The following TIMP3 variants were observed in gnomAD, a reference collection of about 807,000 sequenced individuals.
TIMP3 encodes the protein metalloproteinase inhibitor 3.
A neutral mutation model predicts 30.0 loss-of-function variants in TIMP3; 11 were observed. The observed-to-expected ratio is 0.37, with a 90% CI of 0.23 to 0.61. The LOEUF (loss-of-function observed/expected upper bound fraction) is 0.61, where lower values mean the gene tolerates loss of function less well. Among genes scored for constraint, TIMP3 ranks in the 20% least tolerant of loss-of-function variants. TIMP3 has a pLI of 0.70. For missense variants in TIMP3, 181 were observed against 276.8 expected, an observed-to-expected ratio of 0.65 and a Z score of 2.45; for synonymous variants, 112 against 111.3, an observed-to-expected ratio of 1.01 and a Z score of -0.04.
chr22:32,860,399 A>C lies in TIMP3; in HGVS notation c.*1022A>C, dbSNP rs1238697705. 6.5e-6 allele frequency: 1 copy of C among 152,680 alleles called. No individual in the cohort carries two copies. The highest frequency in any genetic ancestry group is 1.5e-5 in the Non-Finnish European group (1 of 68,054). The allele number at this position is 152,680 out of a possible 1,614,324, so 9.5% of individuals were successfully genotyped here. A position where few individuals can be genotyped will look rare whatever the true frequency, so the allele number is the denominator to read the frequency against. On this transcript the variant is annotated 3_prime_UTR_variant, in exon 5 of 5. Coordinates refer to ENST00000266085, the MANE Select transcript of TIMP3 (RefSeq NM_000362.5). Reference sequence around the variant, plus strand: ...TTTGTATACACATTTGCATATACCCACATGGGGACATAAGCTAATTTTTTT... The same window carrying C: ...TTTGTATACACATTTGCATATACCCCCATGGGGACATAAGCTAATTTTTTT...
intron 1 of TIMP3, among the ~76,000 whole-genome samples, chr22:32,828,732 G>A (rs551777613): frequency 5.9e-5 from 9 of 152,298 alleles, no homozygotes; most frequent in Admixed American, 4.6e-4. Flanking sequence ...CTTCTTGGCC[G>A]GTTCTGGGAG....
intron 1 of TIMP3, among the ~76,000 whole-genome samples, chr22:32,804,939 C>T (rs974524132): frequency 4.6e-5 from 7 of 152,108 alleles, no homozygotes; most frequent in African/African-American, 1.7e-4. Context: ...AAGGCGGCCT[C>T]GGCCCGGGCA....
intron 1 of TIMP3, among the ~76,000 whole-genome samples, chr22:32,843,624 G>C (rs1186912869): frequency 1.3e-5 from 2 of 152,070 alleles, no homozygotes; most frequent in African/African-American, 4.8e-5. Context: ...CTCCTTTTTG[G>C]TGTGTTTTCA....
At chr22:32,852,698 C>G (rs1319036733) in intron 2 of TIMP3, among the ~76,000 whole-genome samples, 2 of 152,096 alleles carry the variant, frequency 1.3e-5, no homozygotes, top group African/African-American at 4.8e-5. Flanking sequence ...GCCTCTGACC[C>G]ATCTCTCAGG....
chr22:32,847,198 A>C (rs2048090200), intron 1 of TIMP3, among the ~76,000 whole-genome samples: 1 of 152,230 alleles, frequency 6.6e-6, no homozygotes, highest in Non-Finnish European at 1.5e-5. Context: ...ATGCCTCTGC[A>C]CGGAGGTGAA....
At chr22:32,824,257 G>T (rs1194410633) in intron 1 of TIMP3, among the ~76,000 whole-genome samples, 3 of 130,358 alleles carry the variant, frequency 2.3e-5, no homozygotes, top group African/African-American at 8.9e-5. Flanking sequence ...CAGCCTGGGC[G>T]ACAGAGCAAG....
intron 1 of TIMP3, among the ~76,000 whole-genome samples, chr22:32,832,913 C>T (rs1464637112): frequency 4.6e-5 from 7 of 151,718 alleles, no homozygotes; most frequent in African/African-American, 1.7e-4. Flanking sequence ...TCGTGGTTTT[C>T]GTAGAGACAG....
At chr22:32,809,766 G>T (rs1427360283) in intron 1 of TIMP3, among the ~76,000 whole-genome samples, 1 of 152,164 alleles carries the variant, frequency 6.6e-6, no homozygotes. Context: ...TTTTCTCATG[G>T]GTTCCTGGGT....
intron 1 of TIMP3, among the ~76,000 whole-genome samples, chr22:32,841,156 G>A (rs2146196658): frequency 6.6e-6 from 1 of 152,308 alleles, no homozygotes; most frequent in South Asian, 2.1e-4. Context: ...ATACATATGA[G>A]GTGCCTGTTA....
At chr22:32,831,674 C>A (rs1002807490) in intron 1 of TIMP3, among the ~76,000 whole-genome samples, 1 of 152,190 alleles carries the variant, frequency 6.6e-6, no homozygotes, top group East Asian at 1.9e-4. Flanking sequence ...AGAGCCAGAG[C>A]AAAAGACCTT....
intron 1 of TIMP3, among the ~76,000 whole-genome samples, chr22:32,841,743 T>C (rs566406732): frequency 3.3e-5 from 5 of 152,222 alleles, no homozygotes; most frequent in African/African-American, 1.2e-4. Context: ...CTCGGCTTAA[T>C]ACCTCAGTGA....
chr22:32,857,439 G>A, intron 3 of TIMP3, 79 bp downstream of exon 3: 1 of 1,049,722 alleles, frequency 9.5e-7, no homozygotes, highest in South Asian at 1.3e-5. Flanking sequence ...CACATACGGA[G>A]TAGTTGACTC....
chr22:32,842,681 C>T (rs2047946185), intron 1 of TIMP3, among the ~76,000 whole-genome samples: 1 of 152,160 alleles, frequency 6.6e-6, no homozygotes, highest in Non-Finnish European at 1.5e-5. Flanking sequence ...CTTCAAACTT[C>T]CTGTGTTGGG....
At chr22:32,833,818 G>A (rs11703156) in intron 1 of TIMP3, 55,705 of 501,200 alleles carry the variant, frequency 0.11, 3,577 homozygotes, top group African/African-American at 0.2. Context: ...AGGCTCAAAT[G>A]GGAAAATCCA....
At chr22:32,838,258 G>GC (rs2047793901) in intron 1 of TIMP3, among the ~76,000 whole-genome samples, 1 of 149,350 alleles carries the variant, frequency 6.7e-6, no homozygotes, top group African/African-American at 2.6e-5. Context: ...AGGAGAAGGA[G>GC]GGGGGGTGGC....
rs1601566086 is a variant in TIMP3, at chr22:32,860,935, T to G, written c.*1558T>G. On this transcript the variant is annotated 3_prime_UTR_variant, in exon 5 of 5. Coordinates refer to ENST00000266085, the MANE Select transcript of TIMP3 (RefSeq NM_000362.5). ...TGTGTTTTTTTTTTTTTTTTTGAAATAAAACTATAATATAAATTCTCCTAT... is the reference window on the plus strand; with the variant it reads ...TGTGTTTTTTTTTTTTTTTTTGAAAGAAAACTATAATATAAATTCTCCTAT... 1 of 146,084 alleles carries G rather than the reference T, an allele frequency of 6.8e-6. No individual in the cohort carries two copies. Among genetic ancestry groups the G allele is most frequent in the Admixed American group, 6.8e-5 (1 of 14,652 alleles). The allele number at this position is 146,084 out of a possible 1,614,324, so 9.0% of individuals were successfully genotyped here.
chr22:32,849,431 T>G (rs1569273709), intron 1 of TIMP3, 21 bp from the exon 2 acceptor site: 1 of 1,611,548 alleles, frequency 6.2e-7, no homozygotes, highest in East Asian at 2.2e-5. Flanking sequence ...AACCTCTTAT[T>G]GTCTCCTTCT....
chr22:32,806,933 C>A (rs911262874), intron 1 of TIMP3, among the ~76,000 whole-genome samples: 1 of 151,938 alleles, frequency 6.6e-6, no homozygotes, highest in Admixed American at 6.6e-5. Context: ...GTAGTTTTTC[C>A]CTTAGAAACA....
Position 32,859,725 on chromosome 22 carries a change from T to G in TIMP3, c.*348T>G, listed in dbSNP as rs2048483135. ...AAACTACTCCATTTGAGGATTGTAA[T>G]TCCCACCCCTCTTGCTTCTTCCCCA... On this transcript the variant is annotated 3_prime_UTR_variant, in exon 5 of 5. Transcript: ENST00000266085. The G allele has an allele frequency of 3.5e-6, 1 of 288,862 alleles. No homozygotes were observed. Among genetic ancestry groups the G allele is most frequent in the Non-Finnish European group, 6.6e-6 (1 of 152,564 alleles). 17.9% of individuals were successfully genotyped at this position (288,862 alleles called of 1,614,324 possible).
Sources: gnomAD v4.1 joint callset for allele counts (sites outside exome capture counted in the v4.1 genomes callset) on GRCh38, gnomAD v4.1.1 for gene constraint, MANE v1.5 for transcripts, NCBI Gene and HGNC (gene_info 2026-07-23, HGNC 2026-07-21) for gene names.